ATE1: variants seen among roughly 807,000 people sequenced by gnomAD.
The protein encoded by ATE1 is arginyl-tRNA--protein transferase 1.
In ATE1, 36 loss-of-function variants were observed where a neutral mutation model predicts 70.5. That is an observed-to-expected ratio of 0.51 (90% CI 0.39 to 0.67). ATE1 has a LOEUF of 0.67. Among genes scored for constraint, ATE1 ranks in the 30% least tolerant of loss-of-function variants. The pLI, the probability that ATE1 is intolerant of heterozygous loss-of-function variation, is 0.00. For synonymous variants in ATE1, 232 were observed against 219.3 expected (o/e 1.06, Z -0.51); for missense variants, 593 against 629.5 (o/e 0.94, Z 0.62).
chr10:121,844,755 T>C (rs933840978), intron 8 of ATE1, among the ~76,000 whole-genome samples: 2 of 152,218 alleles, frequency 1.3e-5, no homozygotes, highest in South Asian at 2.1e-4. Flanking sequence ...CAGCAATAAA[T>C]AGAATAACTA....
intron 3 of ATE1, among the ~76,000 whole-genome samples, chr10:121,916,119 C>G (rs891942724): frequency 2.9e-5 from 4 of 136,326 alleles, no homozygotes; most frequent in African/African-American, 8.2e-5. Flanking sequence ...CCCAGCTACT[C>G]AGGAGGCTGA....
intron 5 of ATE1, among the ~76,000 whole-genome samples, chr10:121,904,514 G>A (rs527383886): frequency 3.3e-5 from 5 of 151,292 alleles, no homozygotes; most frequent in Admixed American, 1.3e-4. Flanking sequence ...GGTGGCGCAC[G>A]CCTGTAGTCC....
rs564105633 is a variant in ATE1 at position 121,788,095 on chromosome 10, C to T, written c.1378+2074G>A. On this transcript the variant is annotated intron_variant, in intron 11 of 11. Coordinates refer to ENST00000224652, the MANE Select transcript of ATE1 (RefSeq NM_001001976.3). ...TGTTCAGCAGTTTTCATCATAGGGA[C>T]TAGACTGACTGACCCTAAAAAAGCT... Among the ~76,000 whole-genome samples the T allele has an allele frequency of 2.0e-5, 3 of 152,256 alleles. No individual in the cohort carries two copies. In the South Asian group the frequency reaches 6.2e-4, roughly 32 times the overall value.
rs369054737 is a variant in ATE1 at position 121,790,962 on chromosome 10, A to ATATATGTG, written c.1258-674_1258-673insCACATATA. 1.8e-4 allele frequency among the ~76,000 whole-genome samples: 27 copies of ATATATGTG among 150,966 alleles called. No homozygotes were observed. The South Asian group carries it at 1.9e-3, about 10-fold the overall frequency. Reference sequence around the variant, plus strand: ...TGTACATATATATGTGTATATATATATGTGTGTGTACATATATGTGTGTAT... The same window carrying ATATATGTG: ...TGTACATATATATGTGTATATATATATATATGTGTGTGTGTGTACATATATGTGTGTAT... On this transcript the variant is annotated intron_variant, in intron 10 of 11. Transcript: ENST00000224652.
chr10:121,817,297 T>C (rs1033356968), intron 10 of ATE1, among the ~76,000 whole-genome samples: 1 of 152,106 alleles, frequency 6.6e-6, no homozygotes, highest in African/African-American at 2.4e-5. Flanking sequence ...TCCCAGTACT[T>C]TGGGAGGCCA....
At chr10:121,813,293 C>T (rs1313591410) in intron 10 of ATE1, among the ~76,000 whole-genome samples, 1 of 152,184 alleles carries the variant, frequency 6.6e-6, no homozygotes, top group Non-Finnish European at 1.5e-5. Context: ...CTCATCAATT[C>T]CTGTTTCTAC....
chr10:121,859,165 C>CAGAGA (rs1949372901), intron 8 of ATE1, among the ~76,000 whole-genome samples: 1 of 152,188 alleles, frequency 6.6e-6, no homozygotes, highest in Admixed American at 6.5e-5. Flanking sequence ...TATACTTTCT[C>CAGAGA]AGTCTGTTAT....
intron 11 of ATE1, among the ~76,000 whole-genome samples, chr10:121,770,844 A>G (rs1590251887): frequency 6.6e-6 from 1 of 152,322 alleles, no homozygotes; most frequent in East Asian, 1.9e-4. Flanking sequence ...ATGAATGCCT[A>G]AAACATCTTG....
chr10:121,924,495 T>G (rs1952005686), intron 1 of ATE1, among the ~76,000 whole-genome samples, 166 bp from the exon 2 acceptor site: 1 of 151,980 alleles, frequency 6.6e-6, no homozygotes, highest in African/African-American at 2.4e-5. Flanking sequence ...GGTCAGGAGT[T>G]CAAGACCAGC....
chr10:121,870,866 C>G (rs1330810000), intron 7 of ATE1, among the ~76,000 whole-genome samples: 2 of 152,104 alleles, frequency 1.3e-5, no homozygotes. Flanking sequence ...TTGTTATTTA[C>G]AGATTCAACA....
intron 8 of ATE1, among the ~76,000 whole-genome samples, chr10:121,859,260 A>T (rs142531540): frequency 0.5 from 73,131 of 146,242 alleles, 17,886 homozygotes; most frequent in South Asian, 0.52. Context: ...ATTTTATTTT[A>T]TTTTTTTTTT....
chr10:121,888,601 C>T (rs986256869), intron 7 of ATE1, among the ~76,000 whole-genome samples: 6 of 152,154 alleles, frequency 3.9e-5, no homozygotes, highest in Admixed American at 3.3e-4. Context: ...TGAACACCTG[C>T]ACACCCTACG....
chr10:121,841,230 A>G lies in ATE1; in HGVS notation c.1009T>C (p.Tyr337His), dbSNP rs147951488. ...CAGTACTGCTGGTGAAAGGAGCCAT[A>G]GCCACAATCTGGCCCATTAGGGGGA... Reference protein sequence around the residue: ...ETPPNGPDCGYGSFHQQYWLD... With the variant: ...ETPPNGPDCGHGSFHQQYWLD... Residue 337 changes from tyrosine to histidine, a missense_variant, in exon 9 of 12, where the codon TAT becomes CAT. Tyr to His is a moderately conservative substitution (Grantham distance 83). This residue lies in a region of ATE1 where 467 missense variants were observed against 469.6 expected (regional missense o/e 0.99). Transcript: ENST00000224652. 18 of 1,552,318 alleles carry G rather than the reference A, an allele frequency of 1.2e-5. No individual in the cohort carries two copies. The highest frequency in any genetic ancestry group is 1.0e-4 in the Admixed American group (6 of 57,722).
At chr10:121,777,831 T>C (rs1945811318) in intron 11 of ATE1, among the ~76,000 whole-genome samples, 1 of 152,204 alleles carries the variant, frequency 6.6e-6, no homozygotes, top group African/African-American at 2.4e-5. Flanking sequence ...TAAGAATACT[T>C]TGTCAGATAA....
chr10:121,922,445 T>C (rs769292051), intron 2 of ATE1, 34 bp from the exon 3 acceptor site: 4 of 1,403,294 alleles, frequency 2.9e-6, no homozygotes, highest in South Asian at 2.4e-5. Flanking sequence ...TAATGTCTTA[T>C]ATATTTTTCA....
chr10:121,861,269 A>T (rs894607738), intron 8 of ATE1, among the ~76,000 whole-genome samples: 2 of 152,150 alleles, frequency 1.3e-5, no homozygotes, highest in African/African-American at 4.8e-5. Flanking sequence ...TTCAGCCAGG[A>T]AACTCCTGGC....
intron 5 of ATE1, among the ~76,000 whole-genome samples, chr10:121,907,676 G>C (rs570434539): frequency 6.6e-6 from 1 of 152,092 alleles, no homozygotes; most frequent in South Asian, 2.1e-4. Flanking sequence ...GACTGAGTCA[G>C]GAGAATGGCG....
intron 11 of ATE1, among the ~76,000 whole-genome samples, chr10:121,751,335 C>A (rs1356797936): frequency 6.6e-6 from 1 of 152,220 alleles, no homozygotes; most frequent in Non-Finnish European, 1.5e-5. Flanking sequence ...AGTGTATTCA[C>A]AGAGTTGTGC....
At chr10:121,809,452 T>C (rs1245639998) in intron 10 of ATE1, among the ~76,000 whole-genome samples, 1 of 152,166 alleles carries the variant, frequency 6.6e-6, no homozygotes, top group Non-Finnish European at 1.5e-5. Flanking sequence ...TTCATCACAC[T>C]GAATATGGGG....
Sources: allele counts gnomAD v4.1 joint callset (sites outside exome capture counted in the v4.1 genomes callset), GRCh38; gene constraint gnomAD v4.1.1; regional missense constraint gnomAD v4.1.1; transcripts MANE v1.5; gene names NCBI Gene and HGNC (gene_info 2026-07-23, HGNC 2026-07-21).